The following RBFOX1 variants were observed in gnomAD, a reference collection of about 807,000 sequenced individuals.
RBFOX1 encodes RNA binding fox-1 homolog 1.
RBFOX1 carries 8 observed loss-of-function variants against 57.7 expected under a neutral mutation model. The observed-to-expected ratio is 0.14, with a 90% CI of 0.08 to 0.25. RBFOX1 has a LOEUF of 0.25. Ranked by LOEUF, RBFOX1 falls within the 10% of genes least tolerant of loss-of-function variation. RBFOX1 has a pLI of 1.00. For missense variants in RBFOX1, 611 were observed against 548.5 expected, an observed-to-expected ratio of 1.11 and a Z score of -1.14; for synonymous variants, 326 against 222.4, an observed-to-expected ratio of 1.47 and a Z score of -4.15.
intron 2 of RBFOX1, among the ~76,000 whole-genome samples, chr16:6,652,414 C>T (rs1209772090): frequency 2.6e-5 from 4 of 151,906 alleles, no homozygotes; most frequent in Non-Finnish European, 4.4e-5. Flanking sequence ...CGCCACTGCA[C>T]TCCAGTCTGG....
At chr16:6,673,996 G>A (rs1240526089) in intron 3 of RBFOX1, among the ~76,000 whole-genome samples, 1 of 152,136 alleles carries the variant, frequency 6.6e-6, no homozygotes. Context: ...AACAGTGAGG[G>A]AGGAATTACT....
intron 3 of RBFOX1, among the ~76,000 whole-genome samples, chr16:6,982,334 T>G (rs2089146744): frequency 6.6e-6 from 1 of 152,208 alleles, no homozygotes; most frequent in Non-Finnish European, 1.5e-5. Context: ...TTCCCATTGT[T>G]GGCCAGCATG....
intron 3 of RBFOX1, among the ~76,000 whole-genome samples, chr16:6,745,347 A>T (rs1317605056): frequency 6.6e-6 from 1 of 151,790 alleles, no homozygotes; most frequent in East Asian, 1.9e-4. Flanking sequence ...TTCACAAGAA[A>T]AAACCCCCGA....
At chr16:7,504,744 TATATATATATTTA>T (rs2072414287) in intron 4 of RBFOX1, among the ~76,000 whole-genome samples, 9 of 15,118 alleles carry the variant, frequency 6.0e-4, no homozygotes, top group East Asian at 4.2e-3. Flanking sequence ...TATATATATA[TATATATATATTTA>T]TATATATATA....
intron 1 of RBFOX1, among the ~76,000 whole-genome samples, chr16:5,464,396 C>T (rs569719769): frequency 4.6e-5 from 7 of 152,266 alleles, no homozygotes; most frequent in Admixed American, 3.9e-4. Context: ...AAGGAGGAAA[C>T]GCCTTAGGAA....
chr16:7,319,784 G>A (rs1223138967), intron 4 of RBFOX1, among the ~76,000 whole-genome samples: 1 of 152,232 alleles, frequency 6.6e-6, no homozygotes, highest in African/African-American at 2.4e-5. Context: ...GTGTGGCTTT[G>A]ACTGCCGGCC....
intron 1 of RBFOX1, among the ~76,000 whole-genome samples, chr16:6,166,234 C>T (rs1266996169): frequency 1.3e-5 from 2 of 152,122 alleles, no homozygotes; most frequent in Non-Finnish European, 2.9e-5. Flanking sequence ...CCTCACAGGC[C>T]TTCCCTGCCT....
intron 3 of RBFOX1, among the ~76,000 whole-genome samples, chr16:5,697,424 G>A (rs913028110): frequency 2.0e-5 from 3 of 150,558 alleles, no homozygotes; most frequent in African/African-American, 7.3e-5. Flanking sequence ...AATAATATAT[G>A]TTTATATATT....
intron 4 of RBFOX1, among the ~76,000 whole-genome samples, chr16:5,879,872 G>T (rs1360106335): frequency 6.6e-6 from 1 of 152,122 alleles, no homozygotes; most frequent in Non-Finnish European, 1.5e-5. Context: ...AAGGAAACGG[G>T]GAATCTCTCT....
intron 3 of RBFOX1, among the ~76,000 whole-genome samples, chr16:6,681,960 C>T (rs1229934095): frequency 1.3e-5 from 2 of 152,142 alleles, no homozygotes; most frequent in East Asian, 1.9e-4. Flanking sequence ...TAATATCTTT[C>T]TTTTCTGAAC....
chr16:7,294,486 C>G (rs1167629520), intron 4 of RBFOX1, among the ~76,000 whole-genome samples: 1 of 149,040 alleles, frequency 6.7e-6, no homozygotes, highest in Non-Finnish European at 1.5e-5. Context: ...CATAAATTGT[C>G]ACTTTTGCCA....
At chr16:5,511,655 A>G (rs1459547943) in intron 2 of RBFOX1, among the ~76,000 whole-genome samples, 1 of 152,170 alleles carries the variant, frequency 6.6e-6, no homozygotes, top group Non-Finnish European at 1.5e-5. Context: ...TTTATAGAAG[A>G]AGAATCAGAG....
rs781180340 is a variant in RBFOX1 at position 5,652,117 on chromosome 16, TAGTG to T, written c.318+53159_318+53162del. Among the ~76,000 whole-genome samples, 36 of 152,246 alleles carry T rather than the reference TAGTG, an allele frequency of 2.4e-4. 1 individual carries two copies. The highest frequency in any genetic ancestry group is 4.1e-4 in the Non-Finnish European group (28 of 68,008). On this transcript the variant is annotated intron_variant, in intron 3 of 19. Transcript: ENST00000641259. Reference sequence around the variant, plus strand: ...CCACTGCATTCCAGCCTGGACAACATAGTGAGACTCCATCTAAAAAAAATTATAC... The same window carrying T: ...CCACTGCATTCCAGCCTGGACAACATAGACTCCATCTAAAAAAAATTATAC...
At chr16:5,901,602 C>T (rs1597707515) in intron 4 of RBFOX1, among the ~76,000 whole-genome samples, 1 of 152,164 alleles carries the variant, frequency 6.6e-6, no homozygotes, top group African/African-American at 2.4e-5. Flanking sequence ...AGCCCCATTT[C>T]AAGCAGTCAG....
intron 3 of RBFOX1, chr16:6,983,578 A>T (rs1400442986): frequency 2.0e-5 from 3 of 152,152 alleles, no homozygotes; most frequent in Non-Finnish European, 4.4e-5. Flanking sequence ...TAGTAAATTA[A>T]AGTATCATAA....
At chr16:5,724,905 C>T (rs891641347) in intron 3 of RBFOX1, among the ~76,000 whole-genome samples, 1 of 152,180 alleles carries the variant, frequency 6.6e-6, no homozygotes, top group South Asian at 2.1e-4. Flanking sequence ...GTCTGTGATT[C>T]CTGCCACGTA....
intron 2 of RBFOX1, among the ~76,000 whole-genome samples, chr16:6,386,580 A>C (rs1056111585): frequency 1.3e-5 from 2 of 152,242 alleles, no homozygotes; most frequent in African/African-American, 4.8e-5. Context: ...AAATGGAAAA[A>C]TAAATAAAGC....
At chr16:5,697,532 ATTCTTT>A (rs1193202446) in intron 3 of RBFOX1, among the ~76,000 whole-genome samples, 4 of 133,966 alleles carry the variant, frequency 3.0e-5, no homozygotes, top group Non-Finnish European at 6.3e-5. Context: ...TTTCTTTTCT[ATTCTTT>A]TTTTTTTTTT....
intron 3 of RBFOX1, among the ~76,000 whole-genome samples, chr16:6,927,036 C>T (rs568922360): frequency 4.6e-5 from 7 of 152,156 alleles, no homozygotes; most frequent in Admixed American, 4.6e-4. Flanking sequence ...ATTAACCCTT[C>T]GTTACCTAAA....
Sources: gnomAD v4.1 joint callset for allele counts (sites outside exome capture counted in the v4.1 genomes callset) on GRCh38, gnomAD v4.1.1 for gene constraint, MANE v1.5 for transcripts, NCBI Gene and HGNC (gene_info 2026-07-23, HGNC 2026-07-21) for gene names.